ZNF37A: variants seen among roughly 807,000 people sequenced by gnomAD.
ZNF37A encodes zinc finger protein 37a (KOX 21).
Under a neutral mutation model 12.3 loss-of-function variants are expected in ZNF37A, and 10 were observed. The ratio of observed to expected loss-of-function variants is 0.82; its 90% CI spans 0.50 to 1.38. The LOEUF (loss-of-function observed/expected upper bound fraction) is 1.38, where lower values mean the gene tolerates loss of function less well. Ranked by LOEUF, ZNF37A falls within the 40% of genes most tolerant of loss-of-function variation. The probability of loss-of-function intolerance (pLI) is 0.00; values close to 1 mark genes in which losing one functional copy is unlikely to be tolerated. For synonymous variants in ZNF37A, 207 were observed against 223.0 expected (o/e 0.93, Z 0.64); for missense variants, 580 against 651.2 (o/e 0.89, Z 1.19).
chr10:38,118,913 G>T lies in ZNF37A; in HGVS notation c.*76G>T, dbSNP rs2069520161. On this transcript the variant is annotated 3_prime_UTR_variant, in exon 8 of 8. Transcript: ENST00000685332. The stretch of plus-strand genomic sequence containing the variant: ...ATATAATGATAATGAGAACACCTTT[G>T]CCCTGAAGTCAGTTCTCACAGTATA... 2.7e-6 allele frequency: 4 copies of T among 1,488,308 alleles called. No homozygotes were observed. The East Asian group carries it at 9.4e-5, about 35-fold the overall frequency. The allele number at this position is 1,488,308 out of a possible 1,614,324, so 92.2% of individuals were successfully genotyped here.
At chr10:38,138,793 A>C (rs942022002) in intron 7 of ZNF37A, 7 of 152,154 alleles carry the variant, frequency 4.6e-5, no homozygotes, top group Non-Finnish European at 1.0e-4. Context: ...CTTGTCATTA[A>C]ATTTGCAAAG....
intron 5 of ZNF37A, among the ~76,000 whole-genome samples, chr10:38,109,828 C>G (rs2068479376): frequency 6.6e-6 from 1 of 152,120 alleles, no homozygotes; most frequent in Non-Finnish European, 1.5e-5. Flanking sequence ...AACCACTGCT[C>G]AAGGAAGTAA....
Position 38,119,251 on chromosome 10 carries a change from C to T in ZNF37A, c.*414C>T. The T allele has an allele frequency of 9.6e-7, 1 of 1,047,032 alleles. No homozygotes were observed. 64.9% of individuals were successfully genotyped at this position (1,047,032 alleles called of 1,614,324 possible). On this transcript the variant is annotated 3_prime_UTR_variant, in exon 8 of 8. Transcript: ENST00000685332. Reference sequence around the variant, plus strand: ...GTGTAATGAATGTGGGAAAACCTTTCATCAGAAGTCAGCTCTAATTGTTCA... The same window carrying T: ...GTGTAATGAATGTGGGAAAACCTTTTATCAGAAGTCAGCTCTAATTGTTCA...
At chr10:38,145,721 A>G (rs2070244389) in intron 7 of ZNF37A, among the ~76,000 whole-genome samples, 1 of 152,218 alleles carries the variant, frequency 6.6e-6, no homozygotes, top group Non-Finnish European at 1.5e-5. Flanking sequence ...GTAAAAACTA[A>G]TACCAGAAAT....
At chr10:38,108,696 C>T (rs1027860076) in intron 5 of ZNF37A, among the ~76,000 whole-genome samples, 1 of 152,162 alleles carries the variant, frequency 6.6e-6, no homozygotes, top group South Asian at 2.1e-4. Context: ...TCAGAGAATA[C>T]TATAAACACC....
At position 38,124,086 on chromosome 10, in the gene ZNF37A, C is replaced by CT. The variant is rs2069864553; in HGVS notation, c.*5250dup. The CT allele has an allele frequency of 6.6e-6, 1 of 152,148 alleles. No individual in the cohort carries two copies. Among genetic ancestry groups the CT allele is most frequent in the East Asian group, 1.9e-4 (1 of 5,192 alleles). The allele number at this position is 152,148 out of a possible 1,614,324, so 9.4% of individuals were successfully genotyped here. On this transcript the variant is annotated 3_prime_UTR_variant, in exon 8 of 8. Transcript: ENST00000685332. ...CAAGATTTGGAAGCAACCTAAGTGT[C>CT]TAACAGCAGATGAATGGATAAATAA...
At chr10:38,110,226 G>A (rs1226969966) in intron 5 of ZNF37A, among the ~76,000 whole-genome samples, 2 of 151,958 alleles carry the variant, frequency 1.3e-5, no homozygotes, top group East Asian at 1.9e-4. Context: ...CCTGAAAAAA[G>A]CAATGGGGAA....
At chr10:38,099,763 A>T (rs1332958578) in intron 5 of ZNF37A, among the ~76,000 whole-genome samples, 4 of 152,146 alleles carry the variant, frequency 2.6e-5, no homozygotes. Flanking sequence ...TGATTTCTCC[A>T]TATCCTTGCC....
In ZNF37A at chr10:38,115,107, G is replaced by GTGTGTGTA. The variant is rs1554780604; in HGVS notation, c.143-81_143-80insATGTGTGT. ...TGTGTGTGTGTGTGTGTGTGTGTGT[G>GTGTGTGTA]TGTGTGTGTACTGTTTGGGGTATAC... On this transcript the variant is annotated intron_variant, in intron 6 of 7. Coordinates refer to ENST00000685332, the MANE Select transcript of ZNF37A (RefSeq NM_001324250.3). The GTGTGTGTA allele has an allele frequency of 9.4e-4, 859 of 917,146 alleles. 12 individuals are homozygous for GTGTGTGTA. Among genetic ancestry groups the GTGTGTGTA allele is most frequent in the Middle Eastern group, 2.0e-3 (6 of 2,970 alleles). 56.8% of individuals were successfully genotyped at this position (917,146 alleles called of 1,614,324 possible).
downstream of ZNF37A, among the ~76,000 whole-genome samples, chr10:38,127,328 C>T (rs745514282): frequency 1.3e-5 from 2 of 152,204 alleles, no homozygotes; most frequent in Non-Finnish European, 2.9e-5. Flanking sequence ...CTGCTCTTTT[C>T]ATCTTTTCAC....
chr10:38,123,358 G>C lies in ZNF37A; in HGVS notation c.*4521G>C, dbSNP rs909217257. 24 of 151,902 alleles carry C rather than the reference G, an allele frequency of 1.6e-4. No individual in the cohort carries two copies. Among genetic ancestry groups the C allele is most frequent in the Non-Finnish European group, 3.4e-4 (23 of 67,986 alleles). 9.4% of individuals were successfully genotyped at this position (151,902 alleles called of 1,614,324 possible). On this transcript the variant is annotated 3_prime_UTR_variant, in exon 8 of 8. Coordinates refer to ENST00000685332, the MANE Select transcript of ZNF37A (RefSeq NM_001324250.3). ...TTAAAGACTTGTTATTAAAATAATA[G>C]CAGTTTCTATAAATTTAATATTTCA... is the stretch of plus-strand genomic sequence containing the variant.
rs1486339429 is a variant in ZNF37A, at chr10:38,124,295, G to T, written c.*5458G>T. ...ATGAAAACAACTGAACTTATAGAGG[G>T]TAGAAGGATGTTTACCAGAGGCGGG... On this transcript the variant is annotated 3_prime_UTR_variant, in exon 8 of 8. Transcript: ENST00000685332. 6.6e-6 allele frequency: 1 copy of T among 152,194 alleles called. No individual in the cohort carries two copies. Among genetic ancestry groups the T allele is most frequent in the African/African-American group, 2.4e-5 (1 of 41,438 alleles). The allele number at this position is 152,194 out of a possible 1,614,324, so 9.4% of individuals were successfully genotyped here.
chr10:38,109,551 T>G (rs2068454521), intron 5 of ZNF37A, among the ~76,000 whole-genome samples: 1 of 152,162 alleles, frequency 6.6e-6, no homozygotes, highest in Non-Finnish European at 1.5e-5. Context: ...AAGTCAAATT[T>G]GTCTCTGTTT....
exon 8 of ZNF37A, chr10:38,149,196 A>G (rs2070295226): frequency 1.3e-5 from 2 of 152,052 alleles, no homozygotes; most frequent in African/African-American, 4.8e-5. Context: ...CAATATTCCC[A>G]CTTCTCAATA....
rs2070118027 is a variant in ZNF37A at position 38,137,158 on chromosome 10, T to G, written c.239-9574T>G. Among the ~76,000 whole-genome samples, 4 of 152,228 alleles carry G rather than the reference T, an allele frequency of 2.6e-5. No homozygotes were observed. In the South Asian group the frequency reaches 8.3e-4, roughly 31 times the overall value. ...AGGCTTCCTTGGGTTTTGATTTATT[T>G]GGCTCCTTTAAGTGGATTATACTTT... On this transcript the variant is annotated intron_variant, in intron 7 of 7. Coordinates refer to the ZNF37A transcript ENST00000638053.
chr10:38,112,763 T>TTTTGG (rs2068867891), intron 5 of ZNF37A, among the ~76,000 whole-genome samples: 1 of 63,748 alleles, frequency 1.6e-5, no homozygotes, highest in African/African-American at 5.7e-5. Flanking sequence ...TTCTTTTCTT[T>TTTTGG]TCTTTTCTTT....
At chr10:38,141,790 A>G (rs918678609) in intron 7 of ZNF37A, 6 of 152,256 alleles carry the variant, frequency 3.9e-5, no homozygotes, top group African/African-American at 1.4e-4. Flanking sequence ...AATTACTTCA[A>G]AATAAAAATT....
At position 38,117,536 on chromosome 10, in the gene ZNF37A, C is replaced by G; in HGVS notation, c.385C>G (p.Leu129Val). The change falls in exon 8 of 8, where the codon CTG becomes GTG. Residue 129 changes from leucine (L) to valine (V), a missense_variant. Physicochemically the swap from Leu to Val is conservative, Grantham distance 32 (BLOSUM62 1). Coordinates refer to ENST00000685332, the MANE Select transcript of ZNF37A (RefSeq NM_001324250.3). ...TAATAAAAATGGGAACAGCTTCTGG[C>G]TGAATGAAGACCTCATTTGGCATCA... Reference protein sequence around the residue: ...EYNKNGNSFWLNEDLIWHQKI... With the variant: ...EYNKNGNSFWVNEDLIWHQKI... 1 of 1,613,552 alleles carries G rather than the reference C, an allele frequency of 6.2e-7. No homozygotes were observed. Among genetic ancestry groups the G allele is most frequent in the Non-Finnish European group, 8.5e-7 (1 of 1,179,860 alleles).
chr10:38,106,377 C>T lies in ZNF37A; in HGVS notation c.16-8378C>T, dbSNP rs527619453. Among the ~76,000 whole-genome samples, 6 of 152,234 alleles carry T rather than the reference C, an allele frequency of 3.9e-5. No homozygotes were observed. In the South Asian group the frequency reaches 6.2e-4, roughly 16 times the overall value. On this transcript the variant is annotated intron_variant, in intron 5 of 7. Coordinates refer to ENST00000685332, the MANE Select transcript of ZNF37A (RefSeq NM_001324250.3). The stretch of plus-strand genomic sequence containing the variant: ...CAAACACCAAAGGTAAATAAATCCA[C>T]GAAGATGGGGAGAAACCAGCACAAA...
Sources: allele counts gnomAD v4.1 joint callset (sites outside exome capture counted in the v4.1 genomes callset), GRCh38; gene constraint gnomAD v4.1.1; transcripts MANE v1.5; gene names NCBI Gene and HGNC (gene_info 2026-07-23, HGNC 2026-07-21).